TXLNB: variants seen among roughly 807,000 people sequenced by gnomAD.
TXLNB encodes the protein taxilin beta.
In TXLNB, 37 loss-of-function variants were observed where a neutral mutation model predicts 57.4. The ratio of observed to expected loss-of-function variants is 0.64; its 90% CI spans 0.50 to 0.85. The LOEUF (loss-of-function observed/expected upper bound fraction) is 0.85, where lower values mean the gene tolerates loss of function less well. TXLNB is among the 40% of genes least tolerant of loss of function. The pLI, the probability that TXLNB is intolerant of heterozygous loss-of-function variation, is 0.00. For synonymous variants in TXLNB, 302 were observed against 309.6 expected (o/e 0.98, Z 0.26); for missense variants, 848 against 825.6 (o/e 1.03, Z -0.33).
At chr6:139,193,872 C>T in the TXLNB span, among the ~76,000 whole-genome samples, 16 of 127,622 alleles carry the variant, frequency 1.3e-4, no homozygotes, top group African/African-American at 2.4e-4. Flanking sequence ...GACGGAGTCT[C>T]GCTCTGTCGC....
rs771691923 is a variant in TXLNB, at chr6:139,288,542, G to A, written c.358C>T (p.Pro120Ser). ...GREPVASGEP[P>S]TVKEPVSNKE... is the part of the protein sequence containing the mutation. ...TTGCTGACGGGCTCTTTGACAGTGG[G>A]TGGCTCTCCAGAAGCAACGGGTTCT... The change falls in exon 2 of 10, where the codon CCC becomes TCC. Residue 120 changes from proline to serine, a missense_variant. Physicochemically the swap from Pro to Ser is moderately conservative, Grantham distance 74 (BLOSUM62 -1). Coordinates refer to ENST00000358430, the MANE Select transcript of TXLNB (RefSeq NM_153235.4). 1.9e-6 allele frequency: 3 copies of A among 1,614,044 alleles called. No homozygotes were observed. The highest frequency in any genetic ancestry group is 2.2e-5 in the South Asian group (2 of 91,086).
chr6:139,175,288 A>C, the TXLNB span, among the ~76,000 whole-genome samples: 2 of 152,362 alleles, frequency 1.3e-5, no homozygotes, highest in Non-Finnish European at 2.9e-5. Flanking sequence ...TCTCATGGGC[A>C]GGAGAGAAAT....
At chr6:139,210,807 T>C in the TXLNB span, among the ~76,000 whole-genome samples, 2 of 152,252 alleles carry the variant, frequency 1.3e-5, no homozygotes, top group African/African-American at 4.8e-5. Flanking sequence ...TCCAATGGTC[T>C]TAGCAAACGG....
At chr6:139,167,012 G>A in the TXLNB span, 28 of 1,614,116 alleles carry the variant, frequency 1.7e-5, no homozygotes, top group African/African-American at 3.3e-4. Context: ...AGTTCACAGG[G>A]GGGGACACTT....
At chr6:139,295,909 C>G (rs1474465974), upstream of TXLNB, among the ~76,000 whole-genome samples, 1 of 152,120 alleles carries the variant, frequency 6.6e-6, no homozygotes, top group Non-Finnish European at 1.5e-5. Flanking sequence ...AATACTCTGT[C>G]TTCCCAAACA....
In TXLNB at chr6:139,242,334, C is replaced by T; in HGVS notation, c.*192G>A. 2.3e-6 allele frequency: 1 copy of T among 443,328 alleles called. No homozygotes were observed. Among genetic ancestry groups the T allele is most frequent in the Non-Finnish European group, 3.7e-6 (1 of 268,010 alleles). The allele number at this position is 443,328 out of a possible 1,614,324, so 27.5% of individuals were successfully genotyped here. ...TGTCAACCAGTGTTAAATAGAAAAC[C>T]TTCAAATCAGCTATAAATTGACAAC... is the stretch of plus-strand genomic sequence containing the variant. On this transcript the variant is annotated 3_prime_UTR_variant, in exon 10 of 10. Coordinates refer to ENST00000358430, the MANE Select transcript of TXLNB (RefSeq NM_153235.4).
the TXLNB span, among the ~76,000 whole-genome samples, chr6:139,172,551 T>C: frequency 6.6e-6 from 1 of 152,268 alleles, no homozygotes; most frequent in Admixed American, 6.5e-5. Context: ...TTTACCACTT[T>C]GAACCACATG....
chr6:139,248,725 G>A (rs953331695), intron 7 of TXLNB, among the ~76,000 whole-genome samples: 23 of 152,232 alleles, frequency 1.5e-4, no homozygotes, highest in Middle Eastern at 3.4e-3. Context: ...GTGGGTGATC[G>A]GAGAAGGTGA....
At chr6:139,238,452 C>T (rs1184682772), downstream of TXLNB, among the ~76,000 whole-genome samples, 4 of 152,112 alleles carry the variant, frequency 2.6e-5, no homozygotes, top group Non-Finnish European at 4.4e-5. Context: ...CAGAATTAAA[C>T]TTAGGTCAAA....
chr6:139,206,652 C>T, the TXLNB span, among the ~76,000 whole-genome samples: 12 of 148,764 alleles, frequency 8.1e-5, no homozygotes, highest in East Asian at 2.0e-3. Context: ...CCAGCCTGGG[C>T]GACAGAGTGA....
At chr6:139,308,587 A>G in the TXLNB span, among the ~76,000 whole-genome samples, 1 of 152,226 alleles carries the variant, frequency 6.6e-6, no homozygotes, top group Non-Finnish European at 1.5e-5. Context: ...ACTATTGTGT[A>G]TGGACTATGT....
At chr6:139,264,131 T>C (rs1776554195) in intron 4 of TXLNB, among the ~76,000 whole-genome samples, 1 of 152,250 alleles carries the variant, frequency 6.6e-6, no homozygotes, top group Non-Finnish European at 1.5e-5. Flanking sequence ...ATTGAAGATA[T>C]CTGTACTTCT....
chr6:139,186,617 G>A, the TXLNB span, among the ~76,000 whole-genome samples: 1 of 152,148 alleles, frequency 6.6e-6, no homozygotes, highest in Non-Finnish European at 1.5e-5. Context: ...TTCCACTCCT[G>A]TGCATTTATT....
the TXLNB span, among the ~76,000 whole-genome samples, chr6:139,213,031 G>T: frequency 6.6e-6 from 1 of 152,170 alleles, no homozygotes; most frequent in African/African-American, 2.4e-5. Context: ...ATAATAATGG[G>T]AGACTAACAC....
the TXLNB span, chr6:139,180,479 A>C: frequency 2.2e-4 from 34 of 152,718 alleles, no homozygotes; most frequent in African/African-American, 7.7e-4. Context: ...GTGAGGAGAA[A>C]GTGTTCTTGT....
chr6:139,214,842 T>C, the TXLNB span, among the ~76,000 whole-genome samples: 6 of 151,982 alleles, frequency 3.9e-5, no homozygotes, highest in South Asian at 2.1e-4. Flanking sequence ...AACAGACAAA[T>C]AGAGAGCCAA....
intron 1 of TXLNB, among the ~76,000 whole-genome samples, chr6:139,291,379 G>C (rs1011049093): frequency 1.3e-5 from 2 of 152,196 alleles, no homozygotes; most frequent in South Asian, 2.1e-4. Flanking sequence ...AAGATAAGCT[G>C]TCCATAGGAG....
the TXLNB span, among the ~76,000 whole-genome samples, chr6:139,171,261 C>T: frequency 6.6e-6 from 1 of 152,132 alleles, no homozygotes; most frequent in South Asian, 2.1e-4. Flanking sequence ...ATGATAAACC[C>T]ACAACCAAAT....
chr6:139,205,535 A>C, the TXLNB span, among the ~76,000 whole-genome samples: 4 of 152,206 alleles, frequency 2.6e-5, no homozygotes, highest in Non-Finnish European at 5.9e-5. Flanking sequence ...TACAAAATGG[A>C]GTGGAAAGTT....
Sources: gnomAD v4.1 joint callset for allele counts (sites outside exome capture counted in the v4.1 genomes callset) on GRCh38, gnomAD v4.1.1 for gene constraint, MANE v1.5 for transcripts, NCBI Gene and HGNC (gene_info 2026-07-23, HGNC 2026-07-21) for gene names.